Variants in PDE4D observed in about 807,000 individuals in gnomAD.
The protein encoded by PDE4D is phosphodiesterase 4D.
Under a neutral mutation model 87.4 loss-of-function variants are expected in PDE4D, and 24 were observed. The observed-to-expected ratio is 0.27, with a 90% CI of 0.20 to 0.39. PDE4D has a LOEUF of 0.39. Among genes scored for constraint, PDE4D ranks in the 10% least tolerant of loss-of-function variants. The probability of loss-of-function intolerance (pLI) is 1.00; values close to 1 mark genes in which losing one functional copy is unlikely to be tolerated. For missense variants in PDE4D, 714 were observed against 1,041.0 expected (o/e 0.69, Z 4.32); for synonymous variants, 384 against 383.2 (o/e 1.00, Z -0.02).
intron 1 of PDE4D, among the ~76,000 whole-genome samples, chr5:59,527,933 C>A (rs892783815): frequency 2.0e-5 from 3 of 152,158 alleles, no homozygotes; most frequent in Non-Finnish European, 4.4e-5. Flanking sequence ...CCTTAAAAGT[C>A]TTAAGTATCC....
At chr5:59,398,346 AC>A (rs1280447005) in intron 1 of PDE4D, among the ~76,000 whole-genome samples, 7 of 139,994 alleles carry the variant, frequency 5.0e-5, no homozygotes, top group African/African-American at 1.9e-4. Flanking sequence ...ATACTGGCAA[AC>A]CAAATCCAGC....
chr5:59,587,191 C>G (rs951335922), intron 1 of PDE4D, among the ~76,000 whole-genome samples: 1 of 152,314 alleles, frequency 6.6e-6, no homozygotes, highest in East Asian at 1.9e-4. Flanking sequence ...AGCTATTGAT[C>G]TTTTCACTGC....
At chr5:60,087,280 C>A (rs539776887) in intron 2 of PDE4D, among the ~76,000 whole-genome samples, 12 of 152,244 alleles carry the variant, frequency 7.9e-5, no homozygotes, top group South Asian at 6.2e-4. Context: ...ACCAAAAAAA[C>A]CCCCACAATA....
rs116348778 is a variant in PDE4D, at chr5:59,556,591, C to A, written c.455+336577G>T. Among the ~76,000 whole-genome samples, 450 of 152,272 alleles carry A rather than the reference C, an allele frequency of 3.0e-3. 1 individual carries two copies. The highest frequency in any genetic ancestry group is 0.01 in the African/African-American group (432 of 41,552). Reference sequence around the variant, plus strand: ...GGGTTCTGTACGAGGAAAACTTAGTCTTTCCTGAGAAATGGATGTTGTGTT... The same window carrying A: ...GGGTTCTGTACGAGGAAAACTTAGTATTTCCTGAGAAATGGATGTTGTGTT... On this transcript the variant is annotated intron_variant, in intron 1 of 14. Transcript: ENST00000340635.
intron 1 of PDE4D, among the ~76,000 whole-genome samples, chr5:60,520,862 C>A (rs1439121686): frequency 6.6e-6 from 1 of 152,162 alleles, no homozygotes; most frequent in Non-Finnish European, 1.5e-5. Context: ...CCTGGCAGAG[C>A]AAGGTCATTC....
intron 1 of PDE4D, among the ~76,000 whole-genome samples, chr5:59,671,762 A>T (rs1418195992): frequency 6.6e-6 from 1 of 151,626 alleles, no homozygotes; most frequent in Non-Finnish European, 1.5e-5. Flanking sequence ...AGCCATGATC[A>T]TACCACTCCA....
At chr5:59,155,781 G>A (rs1449702453) in intron 5 of PDE4D, among the ~76,000 whole-genome samples, 1 of 152,060 alleles carries the variant, frequency 6.6e-6, no homozygotes, top group Non-Finnish European at 1.5e-5. Context: ...AGAGCAGGAG[G>A]GAGAAGGGAA....
intron 3 of PDE4D, among the ~76,000 whole-genome samples, chr5:59,186,959 T>G (rs1743059933): frequency 6.6e-6 from 1 of 152,196 alleles, no homozygotes; most frequent in Non-Finnish European, 1.5e-5. Context: ...AATTTATGTT[T>G]TAAGAAGTGA....
chr5:59,848,094 C>T (rs1035574515), intron 1 of PDE4D, among the ~76,000 whole-genome samples: 8 of 151,868 alleles, frequency 5.3e-5, no homozygotes, highest in Non-Finnish European at 1.0e-4. Flanking sequence ...ATGTTTTTGA[C>T]GATAAAAATC....
At chr5:59,136,948 G>A (rs575011955) in intron 5 of PDE4D, among the ~76,000 whole-genome samples, 13 of 152,156 alleles carry the variant, frequency 8.5e-5, no homozygotes, top group African/African-American at 3.1e-4. Flanking sequence ...ATTTGTCCAA[G>A]ACTTCCCCAG....
chr5:59,148,358 C>T lies in PDE4D; in HGVS notation c.808+32237G>A, dbSNP rs139396752. On this transcript the variant is annotated intron_variant, in intron 5 of 14. Transcript: ENST00000340635. ...CTTTTCATTTTTCTTTTTACTATAACTCCTCAAACAGTATCTAAACCTTCA... is the reference window on the plus strand; with the variant it reads ...CTTTTCATTTTTCTTTTTACTATAATTCCTCAAACAGTATCTAAACCTTCA... Among the ~76,000 whole-genome samples the T allele has an allele frequency of 1.9e-3, 290 of 152,260 alleles. 1 individual carries two copies. The highest frequency in any genetic ancestry group is 6.7e-3 in the African/African-American group (277 of 41,548).
At chr5:59,129,588 T>C (rs1354027945) in intron 5 of PDE4D, among the ~76,000 whole-genome samples, 1 of 152,230 alleles carries the variant, frequency 6.6e-6, no homozygotes. Context: ...AGCCATTAAG[T>C]TAATATTCGA....
intron 1 of PDE4D, among the ~76,000 whole-genome samples, chr5:60,207,008 G>A (rs1295606258): frequency 6.6e-6 from 1 of 152,146 alleles, no homozygotes; most frequent in Non-Finnish European, 1.5e-5. Context: ...ATTTGTTGTA[G>A]GCTAGGGACA....
chr5:59,994,204 T>C (rs1280591545), intron 2 of PDE4D, among the ~76,000 whole-genome samples: 1 of 151,916 alleles, frequency 6.6e-6, no homozygotes, highest in African/African-American at 2.4e-5. Context: ...TCTGTGGTTC[T>C]TAATAATCTC....
intron 3 of PDE4D, among the ~76,000 whole-genome samples, chr5:59,915,469 G>T (rs1241250427): frequency 6.6e-6 from 1 of 152,178 alleles, no homozygotes; most frequent in Non-Finnish European, 1.5e-5. Flanking sequence ...CTACATATTG[G>T]AGAACACTGG....
intron 1 of PDE4D, among the ~76,000 whole-genome samples, chr5:59,657,505 C>T (rs1744563543): frequency 6.6e-6 from 1 of 152,064 alleles, no homozygotes; most frequent in South Asian, 2.1e-4. Context: ...AAATAAATGT[C>T]ATCATTTACT....
Position 60,049,555 on chromosome 5 carries a change from C to A in PDE4D, c.43-60838G>T, listed in dbSNP as rs542060366. 3.1e-4 allele frequency among the ~76,000 whole-genome samples: 47 copies of A among 152,244 alleles called. 1 individual carries two copies. The highest frequency in any genetic ancestry group is 1.1e-3 in the African/African-American group (45 of 41,562). ...ACAGATGGGTTTTTGGTGTGGATGT[C>A]CTTTCTGTTTGTTAGTTTTCCTTCT... is the stretch of plus-strand genomic sequence containing the variant. On this transcript the variant is annotated intron_variant, in intron 2 of 16. Transcript: ENST00000502484.
At chr5:60,423,308 A>G (rs1201106927) in intron 1 of PDE4D, among the ~76,000 whole-genome samples, 1 of 152,244 alleles carries the variant, frequency 6.6e-6, no homozygotes, top group Non-Finnish European at 1.5e-5. Flanking sequence ...AGCACTACTC[A>G]GCAAATGTAA....
chr5:60,444,415 A>G (rs1371304290), intron 1 of PDE4D, among the ~76,000 whole-genome samples: 1 of 152,158 alleles, frequency 6.6e-6, no homozygotes. Context: ...TGTGGTTACA[A>G]AAACACAGTC....
Sources: gnomAD v4.1 joint callset for allele counts (sites outside exome capture counted in the v4.1 genomes callset) on GRCh38, gnomAD v4.1.1 for gene constraint, MANE v1.5 for transcripts, NCBI Gene and HGNC (gene_info 2026-07-23, HGNC 2026-07-21) for gene names.